Variants in LRRTM4 observed in about 807,000 individuals in gnomAD.
The protein encoded by LRRTM4 is leucine-rich repeat transmembrane neuronal protein 4.
LRRTM4 carries 25 observed loss-of-function variants against 47.6 expected under a neutral mutation model. The observed-to-expected ratio is 0.53, with a 90% CI of 0.38 to 0.73. The LOEUF is 0.73. Among genes scored for constraint, LRRTM4 ranks in the 30% least tolerant of loss-of-function variants. LRRTM4 has a pLI of 0.00. For missense variants in LRRTM4, 638 were observed against 713.4 expected, an observed-to-expected ratio of 0.89 and a Z score of 1.20; for synonymous variants, 311 against 269.5, an observed-to-expected ratio of 1.15 and a Z score of -1.51.
intron 3 of LRRTM4, among the ~76,000 whole-genome samples, chr2:76,859,504 A>T (rs1672250436): frequency 6.6e-6 from 1 of 152,180 alleles, no homozygotes; most frequent in Admixed American, 6.6e-5. Flanking sequence ...AAAAAAGCCA[A>T]GAGCTGGTTA....
At chr2:77,377,832 T>A (rs1672894832) in intron 3 of LRRTM4, among the ~76,000 whole-genome samples, 1 of 152,040 alleles carries the variant, frequency 6.6e-6, no homozygotes, top group Admixed American at 6.6e-5. Context: ...CTATTTGGTC[T>A]GAAGGTATTT....
intron 3 of LRRTM4, among the ~76,000 whole-genome samples, chr2:76,760,720 T>G (rs1289435401): frequency 6.6e-6 from 1 of 152,132 alleles, no homozygotes; most frequent in Non-Finnish European, 1.5e-5. Context: ...CAACACTGAC[T>G]TAGCGTTTTG....
intron 3 of LRRTM4, among the ~76,000 whole-genome samples, chr2:76,991,244 G>C (rs1375698193): frequency 1.4e-5 from 2 of 142,770 alleles, no homozygotes; most frequent in East Asian, 1.9e-4. Context: ...AACTAGAAAA[G>C]CAAGAATAAA....
intron 3 of LRRTM4, among the ~76,000 whole-genome samples, chr2:77,152,872 A>G (rs1248923118): frequency 6.6e-6 from 1 of 152,168 alleles, no homozygotes; most frequent in Non-Finnish European, 1.5e-5. Context: ...TTTAAGTACA[A>G]TGTGGAATAT....
At chr2:77,233,534 T>G (rs1457800744) in intron 3 of LRRTM4, among the ~76,000 whole-genome samples, 2 of 150,476 alleles carry the variant, frequency 1.3e-5, no homozygotes, top group Non-Finnish European at 3.0e-5. Flanking sequence ...TACTATATTT[T>G]GTTTATTTAA....
chr2:77,172,545 G>A (rs1673078108), intron 3 of LRRTM4, among the ~76,000 whole-genome samples: 1 of 152,152 alleles, frequency 6.6e-6, no homozygotes, highest in Non-Finnish European at 1.5e-5. Flanking sequence ...AGTGAGCCAA[G>A]TCGTGCCACT....
chr2:77,282,920 G>C (rs1300587127), intron 3 of LRRTM4, among the ~76,000 whole-genome samples: 2 of 151,772 alleles, frequency 1.3e-5, no homozygotes, highest in African/African-American at 2.4e-5. Flanking sequence ...ACACCATTTG[G>C]GGCATCAGCT....
At chr2:77,139,608 G>A (rs1050362498) in intron 3 of LRRTM4, among the ~76,000 whole-genome samples, 3 of 152,136 alleles carry the variant, frequency 2.0e-5, no homozygotes, top group Non-Finnish European at 2.9e-5. Flanking sequence ...ATTCAACATA[G>A]TGTTGGAAGT....
intron 3 of LRRTM4, among the ~76,000 whole-genome samples, chr2:77,346,005 A>G (rs1671547236): frequency 6.6e-6 from 1 of 151,986 alleles, no homozygotes; most frequent in Non-Finnish European, 1.5e-5. Flanking sequence ...TATTTTTTAT[A>G]ATAGAATACT....
At chr2:77,325,417 G>A (rs1335553824) in intron 3 of LRRTM4, among the ~76,000 whole-genome samples, 5 of 152,182 alleles carry the variant, frequency 3.3e-5, no homozygotes, top group African/African-American at 9.7e-5. Flanking sequence ...AAACCAAGTA[G>A]AGATGTCAAG....
intron 3 of LRRTM4, among the ~76,000 whole-genome samples, chr2:76,968,941 AATT>A (rs1255204715): frequency 1.3e-5 from 2 of 151,826 alleles, no homozygotes; most frequent in African/African-American, 4.8e-5. Context: ...GGGATTTGTC[AATT>A]ACCTTGCAGT....
chr2:76,990,509 G>C (rs531544822), intron 3 of LRRTM4, among the ~76,000 whole-genome samples: 1 of 151,780 alleles, frequency 6.6e-6, no homozygotes, highest in African/African-American at 2.4e-5. Context: ...CCTTCTATCA[G>C]ATAAAACAGA....
chr2:77,516,044 T>C (rs1485108184), intron 3 of LRRTM4, among the ~76,000 whole-genome samples: 1 of 151,816 alleles, frequency 6.6e-6, no homozygotes, highest in Non-Finnish European at 1.5e-5. Flanking sequence ...CCCCTCCTCA[T>C]CCTAAATGGA....
At chr2:77,481,175 C>A (rs1308960136) in intron 3 of LRRTM4, among the ~76,000 whole-genome samples, 19 of 152,116 alleles carry the variant, frequency 1.2e-4, no homozygotes, top group Non-Finnish European at 1.5e-5. Flanking sequence ...CTGTACCAAA[C>A]TTTTTTCTAA....
At chr2:76,904,532 A>G (rs1013571261) in intron 3 of LRRTM4, among the ~76,000 whole-genome samples, 2 of 152,202 alleles carry the variant, frequency 1.3e-5, no homozygotes, top group Non-Finnish European at 2.9e-5. Context: ...TGACTGACTG[A>G]AACATTATAT....
chr2:77,035,423 G>A (rs985580831), intron 3 of LRRTM4, among the ~76,000 whole-genome samples: 4 of 151,796 alleles, frequency 2.6e-5, no homozygotes, highest in South Asian at 2.1e-4. Flanking sequence ...ACGAAGGTCC[G>A]TCCTCCCTTT....
At chr2:77,387,103 T>C (rs967166271) in intron 3 of LRRTM4, among the ~76,000 whole-genome samples, 33 of 152,240 alleles carry the variant, frequency 2.2e-4, no homozygotes, top group African/African-American at 7.7e-4. Context: ...TTTCCCTACC[T>C]ATGCAATTGA....
intron 3 of LRRTM4, among the ~76,000 whole-genome samples, chr2:77,033,081 TG>T (rs903452036): frequency 2.0e-5 from 3 of 152,028 alleles, no homozygotes; most frequent in Non-Finnish European, 4.4e-5. Context: ...GTTTTAAAGT[TG>T]AAAAATAGCT....
chr2:77,246,636 T>G (rs1558651598), intron 3 of LRRTM4, among the ~76,000 whole-genome samples: 1 of 152,094 alleles, frequency 6.6e-6, no homozygotes, highest in African/African-American at 2.4e-5. Context: ...TTAGACATTA[T>G]CCTCTGATTT....
Sources: gnomAD v4.1 joint callset for allele counts (sites outside exome capture counted in the v4.1 genomes callset) on GRCh38, gnomAD v4.1.1 for gene constraint, MANE v1.5 for transcripts, NCBI Gene and HGNC (gene_info 2026-07-23, HGNC 2026-07-21) for gene names.